The following SLC52A1 variants were observed in gnomAD, a reference collection of about 807,000 sequenced individuals.
The protein encoded by SLC52A1 is solute carrier family 52 member 1.
In SLC52A1, 20 loss-of-function variants were observed where a neutral mutation model predicts 23.2. The ratio of observed to expected loss-of-function variants is 0.86; its 90% CI spans 0.61 to 1.25. The LOEUF is 1.25. Ranked by LOEUF, SLC52A1 falls within the 50% of genes most tolerant of loss-of-function variation. The pLI, the probability that SLC52A1 is intolerant of heterozygous loss-of-function variation, is 0.00. For synonymous variants in SLC52A1, 260 were observed against 256.6 expected (o/e 1.01, Z -0.13); for missense variants, 528 against 557.0 (o/e 0.95, Z 0.52).
At chr17:5,037,053 G>A (rs1432070067), upstream of SLC52A1, among the ~76,000 whole-genome samples, 4 of 152,074 alleles carry the variant, frequency 2.6e-5, no homozygotes, top group Non-Finnish European at 5.9e-5. Context: ...GGCGTCTGAG[G>A]TGAGAGCATC....
chr17:5,038,680 G>A (rs2143452193), upstream of SLC52A1, among the ~76,000 whole-genome samples: 1 of 151,808 alleles, frequency 6.6e-6, no homozygotes, highest in African/African-American at 2.4e-5. Context: ...TCTGCCTCCT[G>A]GGTTCACACC....
At chr17:5,041,331 C>A (rs539544373) in intron 1 of SLC52A1, among the ~76,000 whole-genome samples, 1 of 149,980 alleles carries the variant, frequency 6.7e-6, no homozygotes, top group African/African-American at 2.5e-5. Flanking sequence ...TGCCCAGGTT[C>A]GAGTGCAGTG....
chr17:5,037,231 T>C (rs1469798214), upstream of SLC52A1, among the ~76,000 whole-genome samples: 1 of 152,008 alleles, frequency 6.6e-6, no homozygotes, highest in Non-Finnish European at 1.5e-5. Flanking sequence ...AAATTTAAAT[T>C]TCGGTAGGCC....
Position 5,033,049 on chromosome 17 carries a change from A to G in SLC52A1, c.1255T>C (p.Ser419Pro). The change falls in exon 5 of 5, where the codon TCC becomes CCC. Residue 419 changes from serine to proline, a missense_variant. By Grantham distance (74) the Ser-to-Pro change is moderately conservative. Coordinates refer to ENST00000254853, the MANE Select transcript of SLC52A1 (RefSeq NM_017986.4). ...AACATGGCACCGGCACCAAGCAGGG[A>G]GCCCACTTGGATGGCCACACCAGCT... is the stretch of plus-strand genomic sequence containing the variant. ...LAAGVAIQVG[S>P]LLGAGAMFPP... 1 of 1,613,704 alleles carries G rather than the reference A, an allele frequency of 6.2e-7. No homozygotes were observed. The highest frequency in any genetic ancestry group is 1.1e-5 in the South Asian group (1 of 91,082).
chr17:5,034,402 G>T, intron 2 of SLC52A1, 44 bp from the exon 3 acceptor site: 1 of 1,602,448 alleles, frequency 6.2e-7, no homozygotes, highest in Non-Finnish European at 8.5e-7. Flanking sequence ...CAGTGGCTAA[G>T]GGACAAAGAG....
At chr17:5,037,682 C>T (rs1975488669), upstream of SLC52A1, among the ~76,000 whole-genome samples, 1 of 152,126 alleles carries the variant, frequency 6.6e-6, no homozygotes, top group African/African-American at 2.4e-5. Context: ...AAAATGTTTA[C>T]TGTCTGGCCA....
Position 5,034,561 on chromosome 17 carries a change from C to T in SLC52A1, c.46G>A (p.Val16Met). 4.3e-6 allele frequency: 7 copies of T among 1,614,234 alleles called. No homozygotes were observed. The highest frequency in any genetic ancestry group is 5.9e-6 in the Non-Finnish European group (7 of 1,180,038). ...CAGGAGCCCATGCCAAAAAGGGCCACCAGCAGGTGGGTCAGCACCAGACGG... is the reference window on the plus strand; with the variant it reads ...CAGGAGCCCATGCCAAAAAGGGCCATCAGCAGGTGGGTCAGCACCAGACGG... ...LGRLVLTHLL[V>M]ALFGMGSWAA... The change falls in exon 2 of 5, where the codon GTG becomes ATG. Residue 16 changes from valine to methionine, a missense_variant. Transcript: ENST00000254853.
At position 5,034,262 on chromosome 17, in the gene SLC52A1, C is replaced by T. The variant is rs1228078343; in HGVS notation, c.227G>A (p.Gly76Asp). Residue 76 changes from glycine to aspartate, a missense_variant, in exon 3 of 5, where the codon GGC (glycine) becomes GAC (aspartate). Gly to Asp is a moderately conservative substitution (Grantham distance 94, BLOSUM62 -1). Coordinates refer to ENST00000254853, the MANE Select transcript of SLC52A1 (RefSeq NM_017986.4). ...TLWRQLAPGK[G>D]EQVPIQVVQV... is the part of the protein sequence containing the mutation. ...TACCACCTGGATGGGGACCTGCTCG[C>T]CCTTGCCCGGGGCCAGCTGCCTCCA... 3 of 1,611,670 alleles carry T rather than the reference C, an allele frequency of 1.9e-6. No individual in the cohort carries two copies. Among genetic ancestry groups the T allele is most frequent in the Non-Finnish European group, 2.5e-6 (3 of 1,178,448 alleles).
Position 5,033,994 on chromosome 17 carries a change from T to C in SLC52A1, c.495A>G (p.Gln165=). The change falls in exon 3 of 5, where the codon CAA becomes CAG. Residue 165 remains glutamine, a synonymous_variant. Transcript: ENST00000254853. ...GTGGGCACTCGAGGCGGCCCACACCTTGCACTAGGGCCAGCACACAGGGGA... is the reference window on the plus strand; with the variant it reads ...GTGGGCACTCGAGGCGGCCCACACCCTGCACTAGGGCCAGCACACAGGGGA... ...ALLPCVLALV[Q]GVGRLECPPA... is the part of the protein sequence containing the mutation. The C allele has an allele frequency of 6.2e-7, 1 of 1,613,924 alleles. No individual in the cohort carries two copies. The highest frequency in any genetic ancestry group is 1.1e-5 in the South Asian group (1 of 91,076).
chr17:5,038,837 C>G (rs532452249), upstream of SLC52A1, among the ~76,000 whole-genome samples: 21 of 152,206 alleles, frequency 1.4e-4, no homozygotes, highest in Non-Finnish European at 2.4e-4. Context: ...ATCCGCCCAC[C>G]TCGGCCTCCC....
intron 1 of SLC52A1, among the ~76,000 whole-genome samples, chr17:5,042,011 C>T (rs1975550191): frequency 1.3e-5 from 2 of 152,218 alleles, no homozygotes; most frequent in South Asian, 4.1e-4. Flanking sequence ...GCTGGTATTA[C>T]AGGCGTGAGT....
At chr17:5,039,969 A>G (rs1975524971), upstream of SLC52A1, among the ~76,000 whole-genome samples, 1 of 152,188 alleles carries the variant, frequency 6.6e-6, no homozygotes, top group Non-Finnish European at 1.5e-5. Flanking sequence ...CAAGACCCAC[A>G]TGGAGGGAGT....
At chr17:5,038,926 T>A (rs968958154), upstream of SLC52A1, among the ~76,000 whole-genome samples, 1 of 152,142 alleles carries the variant, frequency 6.6e-6, no homozygotes, top group African/African-American at 2.4e-5. Context: ...GGTACTGGCA[T>A]AAATATTTAA....
At position 5,032,870 on chromosome 17, in the gene SLC52A1, G is replaced by T; in HGVS notation, c.*87C>A. 7.9e-7 allele frequency: 1 copy of T among 1,261,100 alleles called. No homozygotes were observed. Among genetic ancestry groups the T allele is most frequent in the Non-Finnish European group, 1.1e-6 (1 of 889,054 alleles). The allele number at this position is 1,261,100 out of a possible 1,614,324, so 78.1% of individuals were successfully genotyped here. On this transcript the variant is annotated 3_prime_UTR_variant, in exon 5 of 5. Transcript: ENST00000254853. ...CATGAGCGTTCCTGTGTTGGGGGAAGCCTGCCTGGGCCACAAGTAGTCAGG... is the reference window on the plus strand; with the variant it reads ...CATGAGCGTTCCTGTGTTGGGGGAATCCTGCCTGGGCCACAAGTAGTCAGG...
upstream of SLC52A1, among the ~76,000 whole-genome samples, chr17:5,038,447 C>T (rs1975502946): frequency 6.6e-6 from 1 of 151,986 alleles, no homozygotes; most frequent in Admixed American, 6.6e-5. Context: ...CTCTGATGTG[C>T]AACCAAGCTT....
In SLC52A1 at chr17:5,034,568, G is replaced by A. The variant is rs760268319; in HGVS notation, c.39C>T (p.His13=). 2.5e-6 allele frequency: 4 copies of A among 1,614,204 alleles called. No individual in the cohort carries two copies. Among genetic ancestry groups the A allele is most frequent in the Admixed American group, 3.3e-5 (2 of 60,024 alleles). Residue 13 remains histidine (H), a synonymous_variant, in exon 2 of 5, where the codon CAC becomes CAT. Coordinates refer to ENST00000254853, the MANE Select transcript of SLC52A1 (RefSeq NM_017986.4). ...APTLGRLVLT[H]LLVALFGMGS... is the part of the protein sequence containing the mutation. Reference sequence around the variant, plus strand: ...CCATGCCAAAAAGGGCCACCAGCAGGTGGGTCAGCACCAGACGGCCCAGCG... The same window carrying A: ...CCATGCCAAAAAGGGCCACCAGCAGATGGGTCAGCACCAGACGGCCCAGCG...
In SLC52A1 at chr17:5,034,124, G is replaced by GCCAA; in HGVS notation, c.361_364dup (p.Ala122ValfsTer9). 6.2e-7 allele frequency: 1 copy of GCCAA among 1,614,228 alleles called. No individual in the cohort carries two copies. The highest frequency in any genetic ancestry group is 8.5e-7 in the Non-Finnish European group (1 of 1,180,028). ...GACATTAGAGGTACAACAGGCCATT[G>GCCAA]CCAACACCAAGGCCAGAGTTAGGAA... On this transcript the variant is annotated frameshift_variant, in exon 3 of 5. Transcript: ENST00000254853. LOFTEE classifies it high-confidence loss of function.
upstream of SLC52A1, among the ~76,000 whole-genome samples, chr17:5,038,640 G>C (rs1285943855): frequency 6.6e-6 from 1 of 151,462 alleles, no homozygotes; most frequent in East Asian, 2.0e-4. Flanking sequence ...AGACTGGCGT[G>C]CAGTGGCGCA....
intron 1 of SLC52A1, among the ~76,000 whole-genome samples, chr17:5,041,913 A>G (rs569792626): frequency 2.6e-5 from 4 of 151,902 alleles, no homozygotes; most frequent in African/African-American, 4.8e-5. Context: ...CACCCGGCCT[A>G]TTTTTAAGGA....
Sources: gnomAD v4.1 joint callset for allele counts (sites outside exome capture counted in the v4.1 genomes callset) on GRCh38, gnomAD v4.1.1 for gene constraint, MANE v1.5 for transcripts, NCBI Gene and HGNC (gene_info 2026-07-23, HGNC 2026-07-21) for gene names.